NKTR: variants seen among roughly 807,000 people sequenced by gnomAD.
NKTR encodes the protein natural killer cell triggering receptor, also known as NK-tumor recognition protein.
NKTR carries 67 observed loss-of-function variants against 156.3 expected under a neutral mutation model. That is an observed-to-expected ratio of 0.43 (90% CI 0.35 to 0.53). The LOEUF is 0.53. Ranked by LOEUF, NKTR falls within the 20% of genes least tolerant of loss-of-function variation. The pLI is 0.01. For synonymous variants in NKTR, 640 were observed against 596.6 expected (o/e 1.07, Z -1.06); for missense variants, 1,604 against 1,730.9 (o/e 0.93, Z 1.30).
chr3:42,613,466 T>G (rs544066350), intron 2 of NKTR, among the ~76,000 whole-genome samples: 3 of 152,326 alleles, frequency 2.0e-5, no homozygotes, highest in Non-Finnish European at 4.4e-5. Flanking sequence ...TGTAATTAAT[T>G]GTTCTATGGG....
At position 42,635,202 on chromosome 3, in the gene NKTR, A is replaced by T. The variant is rs188748544; in HGVS notation, c.1018-19A>T. The T allele has an allele frequency of 6.2e-7, 1 of 1,603,580 alleles. No homozygotes were observed. The highest frequency in any genetic ancestry group is 1.3e-5 in the African/African-American group (1 of 74,290). On this transcript the variant is annotated intron_variant, in intron 11 of 16. Coordinates refer to ENST00000232978, the MANE Select transcript of NKTR (RefSeq NM_005385.4). Reference sequence around the variant, plus strand: ...GTGGAGAGGCATTTTTTAAAATACTATTGTTTTTGTTTTTAAAGCGCTATC... The same window carrying T: ...GTGGAGAGGCATTTTTTAAAATACTTTTGTTTTTGTTTTTAAAGCGCTATC...
intron 8 of NKTR, among the ~76,000 whole-genome samples, chr3:42,631,793 C>G (rs896323704): frequency 1.3e-5 from 2 of 152,152 alleles, no homozygotes; most frequent in South Asian, 2.1e-4. Flanking sequence ...GCTGGTCTGG[C>G]TCTCTGCTGT....
Position 42,639,052 on chromosome 3 carries a change from C to T in NKTR, c.3348C>T (p.Pro1116=). 1 of 1,613,922 alleles carries T rather than the reference C, an allele frequency of 6.2e-7. No homozygotes were observed. Among genetic ancestry groups the T allele is most frequent in the Non-Finnish European group, 8.5e-7 (1 of 1,179,940 alleles). Residue 1116 remains proline, a synonymous_variant, in exon 13 of 17, where the codon CCC becomes CCT. Transcript: ENST00000232978. ...QNIQHVEESV[P]NGVEDVLQTD... is the part of the protein sequence containing the mutation. ...TTCAGCACGTTGAAGAAAGTGTTCC[C>T]AATGGAGTGGAAGATGTGCTTCAAA...
At position 42,637,885 on chromosome 3, in the gene NKTR, T is replaced by C. The variant is rs772200294; in HGVS notation, c.2181T>C (p.His727=). Residue 727 remains histidine, a synonymous_variant, in exon 13 of 17, where the codon CAT becomes CAC. Coordinates refer to ENST00000232978, the MANE Select transcript of NKTR (RefSeq NM_005385.4). ...SRSRSPSSRS[H]SRNKYSDHSQ... ...CTAGGTCTCCATCATCTAGATCTCA[T>C]TCACGAAATAAATACAGTGATCATT... 11 of 1,614,072 alleles carry C rather than the reference T, an allele frequency of 6.8e-6. No individual in the cohort carries two copies. The highest frequency in any genetic ancestry group is 2.2e-5 in the South Asian group (2 of 91,082).
At chr3:42,634,535 A>T in intron 10 of NKTR, 78 bp from the exon 11 acceptor site, 1 of 746,794 alleles carries the variant, frequency 1.3e-6, no homozygotes, top group Non-Finnish European at 2.2e-6. Context: ...TTAATAGCTT[A>T]ACATAATGTG....
At chr3:42,631,663 AC>A (rs993507225) in intron 8 of NKTR, among the ~76,000 whole-genome samples, 9 of 152,206 alleles carry the variant, frequency 5.9e-5, no homozygotes, top group African/African-American at 2.2e-4. Flanking sequence ...CTTAACAGCA[AC>A]CAGAGTGATC....
chr3:42,610,424 T>A (rs561563414), intron 2 of NKTR, among the ~76,000 whole-genome samples: 77 of 152,348 alleles, frequency 5.1e-4, no homozygotes, highest in African/African-American at 1.6e-3. Flanking sequence ...TTAACGATAA[T>A]GCTGATTGTT....
intron 2 of NKTR, chr3:42,602,617 C>T (rs1218699862): frequency 7.2e-6 from 1 of 139,524 alleles, no homozygotes; most frequent in Admixed American, 7.0e-5. Context: ...ATGTTTTTAG[C>T]CTTGATTGAT....
intron 1 of NKTR, 47 bp from the exon 2 acceptor site, chr3:42,600,937 C>T: frequency 8.0e-7 from 1 of 1,255,190 alleles, no homozygotes; most frequent in Non-Finnish European, 1.1e-6. Context: ...TGCCCTCGCC[C>T]CCGCCCTCGC....
intron 6 of NKTR, among the ~76,000 whole-genome samples, chr3:42,624,001 A>G (rs1182245345): frequency 6.6e-6 from 1 of 152,132 alleles, no homozygotes; most frequent in Non-Finnish European, 1.5e-5. Context: ...GGGTATTTGC[A>G]AGACATCCCT....
rs1216001095 is a variant in NKTR at position 42,645,924 on chromosome 3, C to T, written c.4338C>T (p.Asp1446=). ...CTTATGGCTCTGACAGTGAAAGTGA[C>T]CGAAGTTACTCTCATCACCGGAGCC... ...CRSYGSDSES[D]RSYSHHRSPS... is the part of the protein sequence containing the mutation. Residue 1446 remains aspartate (D), a synonymous_variant, in exon 17 of 17, where the codon GAC becomes GAT. Coordinates refer to ENST00000232978, the MANE Select transcript of NKTR (RefSeq NM_005385.4). The T allele has an allele frequency of 1.4e-5, 23 of 1,612,774 alleles. No homozygotes were observed. In the South Asian group the frequency reaches 2.4e-4, roughly 17 times the overall value.
At chr3:42,605,410 A>G (rs1310084190) in intron 2 of NKTR, among the ~76,000 whole-genome samples, 1 of 152,240 alleles carries the variant, frequency 6.6e-6, no homozygotes, top group African/African-American at 2.4e-5. Flanking sequence ...TGTTTTTAGC[A>G]AACATTGTAA....
chr3:42,612,717 C>T (rs1706960884), intron 2 of NKTR, among the ~76,000 whole-genome samples: 1 of 152,060 alleles, frequency 6.6e-6, no homozygotes, highest in Non-Finnish European at 1.5e-5. Flanking sequence ...ACAGCCTATT[C>T]CTTAAAAATG....
At position 42,631,119 on chromosome 3, in the gene NKTR, G is replaced by C. The variant is rs892656672; in HGVS notation, c.405-52G>C. The C allele has an allele frequency of 4.4e-6, 7 of 1,604,468 alleles. No homozygotes were observed. In the African/African-American group the frequency reaches 5.4e-5, roughly 12 times the overall value. On this transcript the variant is annotated intron_variant, in intron 7 of 16. Coordinates refer to ENST00000232978, the MANE Select transcript of NKTR (RefSeq NM_005385.4). The stretch of plus-strand genomic sequence containing the variant: ...ATTACAGTTAATTGTCTTGATTACT[G>C]TTTATAGCTTAATTATCAAACCAGT...
At chr3:42,605,624 A>T (rs1706159539) in intron 2 of NKTR, among the ~76,000 whole-genome samples, 1 of 152,228 alleles carries the variant, frequency 6.6e-6, no homozygotes, top group Non-Finnish European at 1.5e-5. Flanking sequence ...ACTAAACTTT[A>T]GACTCACATT....
intron 2 of NKTR, chr3:42,611,134 C>G (rs541734373): frequency 6.6e-6 from 1 of 152,218 alleles, no homozygotes; most frequent in Admixed American, 6.5e-5. Flanking sequence ...ACCTCATTTC[C>G]TGACATCCTG....
chr3:42,627,663 A>G (rs899823416), intron 6 of NKTR: 1 of 984,426 alleles, frequency 1.0e-6, no homozygotes, highest in Non-Finnish European at 1.2e-6. Flanking sequence ...GGTCGGGAAA[A>G]CTGAAAAATC....
intron 6 of NKTR, among the ~76,000 whole-genome samples, chr3:42,623,524 T>A (rs1289482755): frequency 6.6e-6 from 1 of 152,168 alleles, no homozygotes. Context: ...TTAACTTTCA[T>A]GTTTCAGAAC....
intron 6 of NKTR, among the ~76,000 whole-genome samples, chr3:42,625,398 T>C (rs1708281378): frequency 6.6e-6 from 1 of 151,768 alleles, no homozygotes; most frequent in South Asian, 2.1e-4. Flanking sequence ...ACATGTTTGC[T>C]ACATTTTAAC....
Sources: gnomAD v4.1 joint callset for allele counts (sites outside exome capture counted in the v4.1 genomes callset) on GRCh38, gnomAD v4.1.1 for gene constraint, MANE v1.5 for transcripts, NCBI Gene and HGNC (gene_info 2026-07-23, HGNC 2026-07-21) for gene names.